Variants in CNTN5 observed in about 807,000 individuals in gnomAD.
The protein encoded by CNTN5 is contactin-5.
A neutral mutation model predicts 129.1 loss-of-function variants in CNTN5; 77 were observed. The ratio of observed to expected loss-of-function variants is 0.60; its 90% confidence interval spans 0.50 to 0.72. The LOEUF (loss-of-function observed/expected upper bound fraction) is 0.72, where lower values mean the gene tolerates loss of function less well. CNTN5 is among the 30% of genes least tolerant of loss of function. The pLI is 0.00. For missense variants in CNTN5, 1,478 were observed against 1,328.8 expected (o/e 1.11, Z -1.75); for synonymous variants, 509 against 465.6 (o/e 1.09, Z -1.20).
intron 3 of CNTN5, among the ~76,000 whole-genome samples, chr11:99,705,044 A>G (rs758219477): frequency 1.1e-4 from 17 of 151,372 alleles, no homozygotes; most frequent in Non-Finnish European, 1.2e-4. Context: ...GAAAAAGCTA[A>G]TAAGTCAACA....
intron 6 of CNTN5, among the ~76,000 whole-genome samples, chr11:99,848,571 A>G (rs1290405975): frequency 6.6e-6 from 1 of 152,164 alleles, no homozygotes; most frequent in Non-Finnish European, 1.5e-5. Context: ...ATGTTTTAAA[A>G]TCAGACTAAA....
chr11:99,236,466 AC>A lies in CNTN5; in HGVS notation c.-209-88879del, dbSNP rs1565426456. On this transcript the variant is annotated intron_variant, in intron 1 of 24. Transcript: ENST00000524871. ...GCAAACATTCTACACACACTCACAC[AC>A]AAACACACACACACACACACACACA... 2.8e-3 allele frequency among the ~76,000 whole-genome samples: 100 copies of A among 36,148 alleles called. 3 individuals are homozygous for A. The highest frequency in any genetic ancestry group is 7.6e-3 in the African/African-American group (97 of 12,810). 23.7% of individuals were successfully genotyped at this position (36,148 alleles called of 152,430 possible).
chr11:99,445,262 A>T (rs1191420711), intron 2 of CNTN5, among the ~76,000 whole-genome samples: 2 of 151,406 alleles, frequency 1.3e-5, no homozygotes, highest in Non-Finnish European at 2.9e-5. Flanking sequence ...TATTCTTAAG[A>T]GTTCCATTTC....
chr11:100,136,351 T>TTCA (rs1369328385), intron 13 of CNTN5, among the ~76,000 whole-genome samples: 1 of 152,112 alleles, frequency 6.6e-6, no homozygotes, highest in African/African-American at 2.4e-5. Context: ...AGATCACATA[T>TTCA]TCATCTGTAT....
rs369560126 is a variant in CNTN5, at chr11:99,934,872, C to CTG, written c.673+18749_673+18750dup. ...CCTGGGCAACAGAGTGAGACTCAGT[C>CTG]TGTGTGTGTGTGTGTGTGTGTGTGT... On this transcript the variant is annotated intron_variant, in intron 7 of 24. Transcript: ENST00000524871. 8.8e-3 allele frequency among the ~76,000 whole-genome samples: 442 copies of CTG among 50,012 alleles called. 9 individuals are homozygous for CTG. The highest frequency in any genetic ancestry group is 0.01 in the Non-Finnish European group (291 of 27,788). The allele number at this position is 50,012 out of a possible 152,430, so 32.8% of individuals were successfully genotyped here. A position where few individuals can be genotyped will look rare whatever the true frequency, so the allele number is the denominator to read the frequency against.
intron 1 of CNTN5, among the ~76,000 whole-genome samples, chr11:99,064,833 G>A (rs1865035930): frequency 6.6e-6 from 1 of 151,640 alleles, no homozygotes; most frequent in Non-Finnish European, 1.5e-5. Context: ...CTTTGGAAGG[G>A]GATAGTATTA....
At chr11:100,287,646 CA>C (rs1486350122) in intron 18 of CNTN5, among the ~76,000 whole-genome samples, 1 of 151,804 alleles carries the variant, frequency 6.6e-6, no homozygotes, top group Non-Finnish European at 1.5e-5. Flanking sequence ...CCAGCCGCTG[CA>C]AAATCATGCC....
chr11:99,059,246 C>G (rs879303312), intron 1 of CNTN5, among the ~76,000 whole-genome samples: 12 of 151,862 alleles, frequency 7.9e-5, no homozygotes, highest in African/African-American at 2.9e-4. Flanking sequence ...GATGGGTAGG[C>G]CTTGCCAATT....
chr11:99,715,629 AAAAG>A (rs1367532560), intron 3 of CNTN5, among the ~76,000 whole-genome samples: 1 of 151,926 alleles, frequency 6.6e-6, no homozygotes, highest in African/African-American at 2.4e-5. Context: ...GTAATAAACA[AAAAG>A]AAAGATCAGG....
At chr11:99,866,819 G>C (rs1043642798) in intron 6 of CNTN5, among the ~76,000 whole-genome samples, 1 of 152,170 alleles carries the variant, frequency 6.6e-6, no homozygotes, top group African/African-American at 2.4e-5. Flanking sequence ...CTCCTCCCTT[G>C]TGGTCATTTC....
chr11:99,323,939 G>C (rs1047196616), intron 1 of CNTN5, among the ~76,000 whole-genome samples: 4 of 152,082 alleles, frequency 2.6e-5, no homozygotes, highest in Non-Finnish European at 5.9e-5. Flanking sequence ...AAGAGACAGA[G>C]GGAGGAAGCA....
chr11:99,764,593 T>G (rs916788377), intron 3 of CNTN5, among the ~76,000 whole-genome samples: 5 of 152,098 alleles, frequency 3.3e-5, no homozygotes, highest in Non-Finnish European at 5.9e-5. Context: ...ATTTTGCATT[T>G]TTAGTAGAGT....
intron 11 of CNTN5, among the ~76,000 whole-genome samples, chr11:100,071,170 A>G (rs1398321841): frequency 6.6e-6 from 1 of 152,092 alleles, no homozygotes; most frequent in Admixed American, 6.6e-5. Flanking sequence ...TCTGACCAAT[A>G]ATTTTATCTA....
chr11:99,810,594 T>C (rs1019299230), intron 3 of CNTN5, among the ~76,000 whole-genome samples: 4 of 152,156 alleles, frequency 2.6e-5, no homozygotes, highest in Admixed American at 1.3e-4. Context: ...CAAACTCTCA[T>C]ATGCCATAGA....
chr11:99,602,638 G>T (rs1170907492), intron 3 of CNTN5, among the ~76,000 whole-genome samples: 12 of 151,876 alleles, frequency 7.9e-5, no homozygotes, highest in Non-Finnish European at 5.9e-5. Context: ...GTCTGGGGAG[G>T]AGTTTGTGCA....
intron 2 of CNTN5, among the ~76,000 whole-genome samples, chr11:99,430,746 G>A (rs976626984): frequency 8.6e-5 from 13 of 151,770 alleles, no homozygotes; most frequent in African/African-American, 3.1e-4. Context: ...GGGGGGCGGG[G>A]AGAAAAAGAC....
chr11:100,004,149 G>A (rs1940050623), intron 9 of CNTN5, among the ~76,000 whole-genome samples: 1 of 152,186 alleles, frequency 6.6e-6, no homozygotes. Context: ...TGGTGCTCTT[G>A]TGGGCCTTTG....
chr11:100,026,366 G>C (rs1203521226), intron 9 of CNTN5, among the ~76,000 whole-genome samples: 1 of 152,046 alleles, frequency 6.6e-6, no homozygotes, highest in African/African-American at 2.4e-5. Context: ...CCTAGTCTCA[G>C]GAAGTTCTTT....
chr11:99,494,699 A>G (rs1035852652), intron 2 of CNTN5, among the ~76,000 whole-genome samples: 7 of 152,154 alleles, frequency 4.6e-5, no homozygotes, highest in African/African-American at 1.7e-4. Flanking sequence ...GCTTTCTTAT[A>G]TAGCTGAACG....
Sources: gnomAD v4.1 joint callset for allele counts (sites outside exome capture counted in the v4.1 genomes callset) on GRCh38, gnomAD v4.1.1 for gene constraint, MANE v1.5 for transcripts, NCBI Gene and HGNC (gene_info 2026-07-23, HGNC 2026-07-21) for gene names.